PLCXD1: variants seen among roughly 807,000 people sequenced by gnomAD.
The protein encoded by PLCXD1 is PI-PLC X domain-containing protein 1.
In PLCXD1, 45 loss-of-function variants were observed where a neutral mutation model predicts 37.8. That is an observed-to-expected ratio of 1.19 (90% CI 0.94 to 1.53). The LOEUF is 1.53. Ranked by LOEUF, PLCXD1 falls within the 40% of genes most tolerant of loss-of-function variation. The probability of loss-of-function intolerance (pLI) is 0.00; values close to 1 mark genes in which losing one functional copy is unlikely to be tolerated. For missense variants in PLCXD1, 539 were observed against 454.7 expected, an observed-to-expected ratio of 1.19 and a Z score of -1.69; for synonymous variants, 246 against 206.9, an observed-to-expected ratio of 1.19 and a Z score of -1.62.
chrX:287,499 T>C (rs1391940763), intron 2 of PLCXD1, among the ~76,000 whole-genome samples: 2 of 127,304 alleles, frequency 1.6e-5, no homozygotes, highest in African/African-American at 3.3e-5. Context: ...TAGATATAGA[T>C]ACTATATATG....
chrX:286,997 G>A, intron 2 of PLCXD1, among the ~76,000 whole-genome samples: 1 of 151,858 alleles, frequency 6.6e-6, no homozygotes, highest in East Asian at 1.9e-4. Context: ...GTTCCTCAGA[G>A]GATGTAAAGG....
chrX:288,971 G>T, intron 3 of PLCXD1, 102 bp downstream of exon 3: 1 of 1,157,144 alleles, frequency 8.6e-7, no homozygotes, highest in South Asian at 1.3e-5. Flanking sequence ...GGTTTGAGTG[G>T]TGCCCTGTGG....
intron 1 of PLCXD1, chrX:283,157 C>G (rs1373370580): frequency 6.7e-6 from 1 of 148,484 alleles, no homozygotes; most frequent in African/African-American, 2.5e-5. Context: ...AAGGGAGGTC[C>G]GGGCAGTGGC....
chrX:295,184 AG>A (rs1206926116), intron 6 of PLCXD1, among the ~76,000 whole-genome samples: 2 of 151,676 alleles, frequency 1.3e-5, no homozygotes, highest in African/African-American at 4.9e-5. Context: ...AAAAAAAAAA[AG>A]GTAACTTTTT....
At chrX:286,746 A>T (rs1258545182) in intron 2 of PLCXD1, among the ~76,000 whole-genome samples, 1 of 152,078 alleles carries the variant, frequency 6.6e-6, no homozygotes, top group Non-Finnish European at 1.5e-5. Context: ...TTATGGATTG[A>T]TATTATTTTA....
Position 290,779 on chromosome X carries a change from G to T in PLCXD1, c.393+3G>T, listed in dbSNP as rs1408256871. On this transcript the variant is annotated splice_donor_region_variant and intron_variant, in intron 4 of 6. Transcript: ENST00000381657. ...TGTACACAACGGCGCTGGTGGAGGTGCGGCCGGGCTGAGGTGGGACGCAAT... is the reference window on the plus strand; with the variant it reads ...TGTACACAACGGCGCTGGTGGAGGTTCGGCCGGGCTGAGGTGGGACGCAAT... 6.2e-7 allele frequency: 1 copy of T among 1,612,452 alleles called. No homozygotes were observed. Among genetic ancestry groups the T allele is most frequent in the Non-Finnish European group, 8.5e-7 (1 of 1,179,162 alleles).
In PLCXD1 at chrX:293,232, C is replaced by T; in HGVS notation, c.733+14C>T. 1 of 1,602,356 alleles carries T rather than the reference C, an allele frequency of 6.2e-7. No individual in the cohort carries two copies. Among genetic ancestry groups the T allele is most frequent in the South Asian group, 1.1e-5 (1 of 90,660 alleles). On this transcript the variant is annotated intron_variant, in intron 6 of 6. Transcript: ENST00000381657. ...GCGGCCGCCCAGGTACCAGGTCGCC[C>T]CTCGTGGGGGTAGATTCCACACAGC...
chrX:290,872 CA>C lies in PLCXD1; in HGVS notation c.393+97del, dbSNP rs1569564517. 14 of 466,360 alleles carry C rather than the reference CA, an allele frequency of 3.0e-5. 2 individuals are homozygous for C. The highest frequency in any genetic ancestry group is 1.3e-3 in the Middle Eastern group (2 of 1,572). The allele number at this position is 466,360 out of a possible 1,614,324, so 28.9% of individuals were successfully genotyped here. On this transcript the variant is annotated intron_variant, in intron 4 of 6. Coordinates refer to ENST00000381657, the MANE Select transcript of PLCXD1 (RefSeq NM_018390.4). ...GGGCTGAGGTGGGAAGCAAGGGGGA[CA>C]GCGGGAGGCGGCCGGGCACTGGTGC...
chrX:292,893 G>T (rs1019963666), intron 5 of PLCXD1, 142 bp from the exon 6 acceptor site: 2 of 568,446 alleles, frequency 3.5e-6, no homozygotes, highest in East Asian at 5.9e-5. Context: ...GATTACAGGC[G>T]TCAGCCACTG....
intron 6 of PLCXD1, 140 bp downstream of exon 6, chrX:293,358 C>G: frequency 1.5e-6 from 1 of 675,892 alleles, no homozygotes; most frequent in Non-Finnish European, 2.5e-6. Flanking sequence ...GTGGTAATCC[C>G]TGTACCTGTA....
chrX:292,159 G>C (rs1346405359), intron 5 of PLCXD1, among the ~76,000 whole-genome samples: 1 of 147,590 alleles, frequency 6.8e-6, no homozygotes, highest in African/African-American at 2.5e-5. Context: ...AATTATCTGG[G>C]TGTGGCGGTG....
chrX:294,535 C>T (rs1328514764), intron 6 of PLCXD1, among the ~76,000 whole-genome samples: 2 of 150,216 alleles, frequency 1.3e-5, no homozygotes, highest in African/African-American at 2.5e-5. Flanking sequence ...GAGGCTGAGG[C>T]AGGAGAAATG....
intron 5 of PLCXD1, 32 bp downstream of exon 5, chrX:291,686 C>T (rs781517541): frequency 1.4e-5 from 23 of 1,608,720 alleles, no homozygotes; most frequent in Non-Finnish European, 1.9e-5. Context: ...GCACGTCTCT[C>T]CCGGGGCAGG....
upstream of PLCXD1, among the ~76,000 whole-genome samples, chrX:278,755 A>AAAAAG (rs1186527543): frequency 1.4e-5 from 2 of 145,824 alleles, no homozygotes; most frequent in East Asian, 2.1e-4. Context: ...AAAAAAAAAA[A>AAAAAG]AGTGTGTTTT....
chrX:300,510 G>A lies in PLCXD1; in HGVS notation c.*1175G>A, dbSNP rs1408128642. On this transcript the variant is annotated 3_prime_UTR_variant, in exon 7 of 7. Transcript: ENST00000381657. ...TGTGTATGTGTGTATATATGTATAT[G>A]TGTGCATATGTGTATACGTGTATGC... 6.7e-6 allele frequency: 1 copy of A among 149,694 alleles called. No homozygotes were observed. The highest frequency in any genetic ancestry group is 2.5e-5 in the African/African-American group (1 of 39,390). The allele number at this position is 149,694 out of a possible 1,614,324, so 9.3% of individuals were successfully genotyped here.
chrX:280,224 C>T, upstream of PLCXD1, among the ~76,000 whole-genome samples: 2 of 152,082 alleles, frequency 1.3e-5, no homozygotes, highest in Middle Eastern at 6.8e-3. Context: ...AGGCTCACAG[C>T]GGCCCTGCTG....
rs150882017 is a variant in PLCXD1 at position 293,481 on chromosome X, C to T, written c.733+263C>T. On this transcript the variant is annotated intron_variant, in intron 6 of 6. Coordinates refer to ENST00000381657, the MANE Select transcript of PLCXD1 (RefSeq NM_018390.4). ...TTTACTAGAAATAAAACTTAGCGGC[C>T]GGGCGCAGTGGTTCATGCCTGTCAT... 3.7e-3 allele frequency among the ~76,000 whole-genome samples: 561 copies of T among 151,822 alleles called. 5 individuals are homozygous for T. The highest frequency in any genetic ancestry group is 0.012 in the African/African-American group (514 of 41,384).
intron 3 of PLCXD1, among the ~76,000 whole-genome samples, chrX:290,347 A>G (rs182696386): frequency 0.023 from 3,442 of 151,478 alleles, 94 homozygotes; most frequent in African/African-American, 0.066. Flanking sequence ...GGAGAACGGC[A>G]TGAACCCGGG....
At chrX:287,701 T>C (rs1357415317) in intron 2 of PLCXD1, among the ~76,000 whole-genome samples, 4 of 145,366 alleles carry the variant, frequency 2.8e-5, no homozygotes, top group Non-Finnish European at 4.5e-5. Flanking sequence ...ATATAGATAC[T>C]ATATATGTTT....
Sources: allele counts gnomAD v4.1 joint callset (sites outside exome capture counted in the v4.1 genomes callset), GRCh38; gene constraint gnomAD v4.1.1; transcripts MANE v1.5; gene names NCBI Gene and HGNC (gene_info 2026-07-23, HGNC 2026-07-21).